IQCM: variants seen among roughly 807,000 people sequenced by gnomAD.
The protein encoded by IQCM is IQ motif containing M.
Under a neutral mutation model 57.6 loss-of-function variants are expected in IQCM, and 45 were observed. The ratio of observed to expected loss-of-function variants is 0.78; its 90% CI spans 0.62 to 1.00. IQCM has a LOEUF of 1.00. IQCM is among the 50% of genes least tolerant of loss of function. The pLI is 0.00. For missense variants in IQCM, 468 were observed against 511.6 expected, an observed-to-expected ratio of 0.91 and a Z score of 0.82; for synonymous variants, 148 against 158.9, an observed-to-expected ratio of 0.93 and a Z score of 0.51.
chr4:149,578,171 AG>A (rs1048388503), intron 9 of IQCM, among the ~76,000 whole-genome samples: 20 of 151,824 alleles, frequency 1.3e-4, no homozygotes, highest in Non-Finnish European at 2.5e-4. Context: ...GAAGAGAGAT[AG>A]TTTGACCTCT....
At chr4:149,483,212 CA>C (rs1741105590) in intron 12 of IQCM, among the ~76,000 whole-genome samples, 1 of 151,404 alleles carries the variant, frequency 6.6e-6, no homozygotes, top group Admixed American at 6.6e-5. Context: ...TTTATCTTTG[CA>C]AAAAAACTTT....
At chr4:149,375,188 C>A (rs1726612145) in intron 13 of IQCM, among the ~76,000 whole-genome samples, 1 of 152,126 alleles carries the variant, frequency 6.6e-6, no homozygotes, top group African/African-American at 2.4e-5. Context: ...TATGTGATGG[C>A]TGTTGGGAAG....
At chr4:149,687,887 C>G (rs1436903630) in intron 5 of IQCM, among the ~76,000 whole-genome samples, 2 of 151,864 alleles carry the variant, frequency 1.3e-5, no homozygotes, top group Non-Finnish European at 2.9e-5. Context: ...AAGCATTTGA[C>G]AAAATCCAGC....
At chr4:149,774,661 C>T (rs983807460) in intron 2 of IQCM, among the ~76,000 whole-genome samples, 3 of 151,940 alleles carry the variant, frequency 2.0e-5, no homozygotes, top group African/African-American at 7.2e-5. Context: ...CACTTGGGGA[C>T]GTCCTCTTCC....
At chr4:149,474,351 G>T (rs1739938416) in intron 12 of IQCM, among the ~76,000 whole-genome samples, 1 of 152,022 alleles carries the variant, frequency 6.6e-6, no homozygotes, top group South Asian at 2.1e-4. Flanking sequence ...GACTGCATGA[G>T]CCCAGGAGTT....
intron 12 of IQCM, among the ~76,000 whole-genome samples, chr4:149,491,508 T>C (rs1405365082): frequency 6.6e-6 from 1 of 152,098 alleles, no homozygotes; most frequent in Non-Finnish European, 1.5e-5. Flanking sequence ...TGAGATCATG[T>C]GGTATTTGTT....
intron 2 of IQCM, among the ~76,000 whole-genome samples, chr4:149,801,989 C>T (rs979911271): frequency 6.6e-6 from 1 of 151,384 alleles, no homozygotes. Context: ...TGTTTCAAAA[C>T]ATCTCATGTA....
chr4:149,604,885 G>T (rs530980328), intron 8 of IQCM, among the ~76,000 whole-genome samples: 19 of 152,150 alleles, frequency 1.2e-4, no homozygotes, highest in African/African-American at 4.6e-4. Context: ...GTGGGAGGAG[G>T]GATTCCCCAG....
intron 8 of IQCM, among the ~76,000 whole-genome samples, chr4:149,590,677 C>T (rs1432193630): frequency 1.3e-5 from 2 of 152,022 alleles, no homozygotes; most frequent in Non-Finnish European, 2.9e-5. Flanking sequence ...GTTCAACTCC[C>T]ACTTATGAGT....
At chr4:149,688,192 T>C (rs1487841649) in intron 5 of IQCM, among the ~76,000 whole-genome samples, 2 of 151,932 alleles carry the variant, frequency 1.3e-5, no homozygotes, top group African/African-American at 2.4e-5. Flanking sequence ...ATCATTTACC[T>C]TGAAAACTCT....
At chr4:149,438,831 G>T (rs1735628455) in intron 12 of IQCM, among the ~76,000 whole-genome samples, 1 of 151,990 alleles carries the variant, frequency 6.6e-6, no homozygotes, top group Non-Finnish European at 1.5e-5. Flanking sequence ...TAAGAAGACA[G>T]TTAAATGATA....
chr4:149,749,570 C>T (rs1414361335), intron 2 of IQCM, among the ~76,000 whole-genome samples: 1 of 151,798 alleles, frequency 6.6e-6, no homozygotes, highest in East Asian at 1.9e-4. Flanking sequence ...AGGAGGGCCT[C>T]TGGAATACCT....
chr4:149,445,087 G>A (rs1736359964), intron 12 of IQCM, among the ~76,000 whole-genome samples: 1 of 151,870 alleles, frequency 6.6e-6, no homozygotes, highest in Non-Finnish European at 1.5e-5. Flanking sequence ...TAACCCTGAA[G>A]CATGATCAAG....
At chr4:149,534,392 A>G (rs1305647263) in intron 12 of IQCM, among the ~76,000 whole-genome samples, 1 of 152,160 alleles carries the variant, frequency 6.6e-6, no homozygotes, top group Non-Finnish European at 1.5e-5. Flanking sequence ...GCCGATAGGC[A>G]TTACTATTGA....
chr4:149,638,536 T>C (rs1475076878), intron 7 of IQCM, among the ~76,000 whole-genome samples: 5 of 152,002 alleles, frequency 3.3e-5, no homozygotes, highest in African/African-American at 1.2e-4. Flanking sequence ...CACTGTGGTA[T>C]AGTCAAACAA....
chr4:149,502,886 C>A (rs1743408780), intron 12 of IQCM, among the ~76,000 whole-genome samples: 1 of 151,788 alleles, frequency 6.6e-6, no homozygotes, highest in African/African-American at 2.4e-5. Flanking sequence ...TATCCAATTG[C>A]CAGCTATGTG....
intron 13 of IQCM, among the ~76,000 whole-genome samples, chr4:149,398,005 C>T (rs1373655092): frequency 1.3e-5 from 2 of 151,986 alleles, no homozygotes; most frequent in Non-Finnish European, 2.9e-5. Context: ...GATAATGTCA[C>T]AAAGGTTTTC....
At chr4:149,713,551 C>T (rs1006399246) in intron 5 of IQCM, among the ~76,000 whole-genome samples, 1 of 152,156 alleles carries the variant, frequency 6.6e-6, no homozygotes, top group Non-Finnish European at 1.5e-5. Context: ...TTCACTCTCC[C>T]GTCTGTATTT....
chr4:149,614,482 C>T lies in IQCM; in HGVS notation c.681+6647G>A, dbSNP rs1755600897. On this transcript the variant is annotated intron_variant, in intron 8 of 13. Transcript: ENST00000636793. Reference sequence around the variant, plus strand: ...TTTCAGTCTCTGAGATGAATCCTGTCTTTCCACCTTGGACAACCACAACTG... The same window carrying T: ...TTTCAGTCTCTGAGATGAATCCTGTTTTTCCACCTTGGACAACCACAACTG... Among the ~76,000 whole-genome samples the T allele has an allele frequency of 2.0e-5, 3 of 152,138 alleles. No homozygotes were observed. The South Asian group carries it at 6.2e-4, about 31-fold the overall frequency.
Sources: allele counts gnomAD v4.1 joint callset (sites outside exome capture counted in the v4.1 genomes callset), GRCh38; gene constraint gnomAD v4.1.1; transcripts MANE v1.5; gene names NCBI Gene and HGNC (gene_info 2026-07-23, HGNC 2026-07-21).